The following ABI3BP variants were observed in gnomAD, a reference collection of about 807,000 sequenced individuals.
ABI3BP encodes the protein ABI family member 3 binding protein.
A neutral mutation model predicts 268.6 loss-of-function variants in ABI3BP; 216 were observed. The ratio of observed to expected loss-of-function variants is 0.80; its 90% confidence interval spans 0.72 to 0.90. The LOEUF is 0.90. Ranked by LOEUF, ABI3BP falls within the 40% of genes least tolerant of loss-of-function variation. The pLI, the probability that ABI3BP is intolerant of heterozygous loss-of-function variation, is 0.00. For missense variants in ABI3BP, 2,090 were observed against 2,182.4 expected, an observed-to-expected ratio of 0.96 and a Z score of 0.84; for synonymous variants, 730 against 730.0, an observed-to-expected ratio of 1.00 and a Z score of 0.00.
intron 2 of ABI3BP, among the ~76,000 whole-genome samples, chr3:100,913,396 T>C (rs1264240344): frequency 6.6e-6 from 1 of 152,140 alleles, no homozygotes; most frequent in Non-Finnish European, 1.5e-5. Context: ...AGTAATTACA[T>C]ATGAAAAGGC....
At chr3:100,988,425 A>T (rs1190267885) in intron 1 of ABI3BP, among the ~76,000 whole-genome samples, 1 of 152,150 alleles carries the variant, frequency 6.6e-6, no homozygotes, top group Non-Finnish European at 1.5e-5. Flanking sequence ...CTTCCCTCTC[A>T]GTACTTTAAC....
At chr3:100,873,024 T>G (rs1346830562) in intron 9 of ABI3BP, among the ~76,000 whole-genome samples, 1 of 152,166 alleles carries the variant, frequency 6.6e-6, no homozygotes, top group East Asian at 1.9e-4. Context: ...TAGTCCCCAG[T>G]TAAGTGCTTT....
At chr3:100,878,556 G>A (rs1023883724) in intron 6 of ABI3BP, among the ~76,000 whole-genome samples, 3 of 152,188 alleles carry the variant, frequency 2.0e-5, no homozygotes, top group Non-Finnish European at 4.4e-5. Context: ...GGCAACAGGA[G>A]GAAAATAGTA....
At chr3:100,770,012 C>T (rs758134286) in intron 62 of ABI3BP, among the ~76,000 whole-genome samples, 8 of 152,216 alleles carry the variant, frequency 5.3e-5, no homozygotes, top group Non-Finnish European at 1.0e-4. Flanking sequence ...CTCTCCCTTC[C>T]TGATGGCCTC....
rs150475025 is a variant in ABI3BP at position 100,965,159 on chromosome 3, G to A, written c.79+28147C>T. The stretch of plus-strand genomic sequence containing the variant: ...CACATAAGCCAACTCTTTTCAGTAA[G>A]AGTTCAAACCTTGGACATCTGATCT... On this transcript the variant is annotated intron_variant, in intron 1 of 67. Coordinates refer to ENST00000471714, the MANE Select transcript of ABI3BP (RefSeq NM_001375547.2). Among the ~76,000 whole-genome samples the A allele has an allele frequency of 1.7e-3, 253 of 152,218 alleles. 1 individual carries two copies. Among genetic ancestry groups the A allele is most frequent in the African/African-American group, 5.7e-3 (237 of 41,542 alleles).
Position 100,824,852 on chromosome 3 carries a change from A to T in ABI3BP, c.2746+6T>A. 3 of 1,534,216 alleles carry T rather than the reference A, an allele frequency of 2.0e-6. No individual in the cohort carries two copies. Among genetic ancestry groups the T allele is most frequent in the Non-Finnish European group, 2.6e-6 (3 of 1,145,244 alleles). Reference sequence around the variant, plus strand: ...TCACCCTTAAACCAAGGAATCACAGATTTACCAGGTTTGGTCTCAGGTGCC... The same window carrying T: ...TCACCCTTAAACCAAGGAATCACAGTTTTACCAGGTTTGGTCTCAGGTGCC... On this transcript the variant is annotated splice_donor_region_variant and intron_variant, in intron 36 of 67. Coordinates refer to ENST00000471714, the MANE Select transcript of ABI3BP (RefSeq NM_001375547.2).
chr3:100,791,571 G>A (rs765276735), intron 55 of ABI3BP, among the ~76,000 whole-genome samples: 8 of 151,750 alleles, frequency 5.3e-5, no homozygotes, highest in Non-Finnish European at 8.8e-5. Context: ...GTATCACAAC[G>A]GAACATCTGT....
intron 10 of ABI3BP, among the ~76,000 whole-genome samples, chr3:100,865,163 T>G (rs987773295): frequency 2.0e-5 from 3 of 152,200 alleles, no homozygotes; most frequent in African/African-American, 7.2e-5. Flanking sequence ...CTTATAAGCT[T>G]AATAATAATT....
At chr3:100,903,401 T>C (rs531290094) in intron 2 of ABI3BP, among the ~76,000 whole-genome samples, 7 of 152,354 alleles carry the variant, frequency 4.6e-5, no homozygotes, top group African/African-American at 1.2e-4. Flanking sequence ...TAAATATTGA[T>C]GTCTGCAAGA....
intron 44 of ABI3BP, among the ~76,000 whole-genome samples, chr3:100,814,030 T>C (rs1248368797): frequency 6.6e-6 from 1 of 152,090 alleles, no homozygotes; most frequent in Non-Finnish European, 1.5e-5. Context: ...TATTGGAACA[T>C]AGCCATAGAA....
At chr3:100,918,162 G>A (rs1251228874) in intron 2 of ABI3BP, among the ~76,000 whole-genome samples, 1 of 152,014 alleles carries the variant, frequency 6.6e-6, no homozygotes, top group Non-Finnish European at 1.5e-5. Flanking sequence ...AAATAACTAA[G>A]AATTAGATGA....
chr3:100,829,277 C>T (rs1177055852), intron 33 of ABI3BP, among the ~76,000 whole-genome samples: 1 of 152,106 alleles, frequency 6.6e-6, no homozygotes, highest in African/African-American at 2.4e-5. Flanking sequence ...TTGTGACTTA[C>T]GTGACTCCTA....
At chr3:100,899,065 A>G (rs1460825206) in intron 3 of ABI3BP, among the ~76,000 whole-genome samples, 171 bp from the exon 4 acceptor site, 1 of 152,218 alleles carries the variant, frequency 6.6e-6, no homozygotes. Flanking sequence ...AGGAATTTAA[A>G]TGTGAATCAA....
intron 1 of ABI3BP, among the ~76,000 whole-genome samples, chr3:100,951,238 T>C (rs1321325550): frequency 6.6e-6 from 1 of 151,878 alleles, no homozygotes; most frequent in Non-Finnish European, 1.5e-5. Context: ...CACATGTGTA[T>C]GCACGTGTGT....
rs139811323 is a variant in ABI3BP at position 100,827,063 on chromosome 3, C to G, written c.2603-1219G>C. ...TGCAAATTGTGATGTGACTTCAAGA[C>G]CCAAATTCTTTCCTGGCTCTGTTGA... On this transcript the variant is annotated intron_variant, in intron 34 of 67. Transcript: ENST00000471714. Among the ~76,000 whole-genome samples, 3 of 152,098 alleles carry G rather than the reference C, an allele frequency of 2.0e-5. No individual in the cohort carries two copies. The East Asian group carries it at 5.8e-4, about 29-fold the overall frequency.
chr3:100,806,942 A>G (rs534788183), intron 50 of ABI3BP, among the ~76,000 whole-genome samples: 5 of 152,276 alleles, frequency 3.3e-5, no homozygotes, highest in Admixed American at 6.5e-5. Context: ...TACAGCTCAA[A>G]AAGATAAAAC....
intron 55 of ABI3BP, among the ~76,000 whole-genome samples, chr3:100,792,360 A>G (rs1251644178): frequency 6.6e-6 from 1 of 151,752 alleles, no homozygotes; most frequent in Non-Finnish European, 1.5e-5. Context: ...CAGGAAGAGG[A>G]AGACAACAGT....
chr3:100,823,554 A>T (rs751214868), intron 36 of ABI3BP, 40 bp from the exon 37 acceptor site: 2 of 1,481,630 alleles, frequency 1.3e-6, no homozygotes, highest in East Asian at 5.0e-5. Flanking sequence ...ATTTTTAAAC[A>T]TATGAGAAGT....
chr3:100,896,092 G>T (rs189309409), intron 4 of ABI3BP, among the ~76,000 whole-genome samples: 10 of 152,308 alleles, frequency 6.6e-5, no homozygotes, highest in Admixed American at 6.5e-4. Context: ...CTTTGGTCAA[G>T]AATATCTTGC....
Sources: gnomAD v4.1 joint callset for allele counts (sites outside exome capture counted in the v4.1 genomes callset) on GRCh38, gnomAD v4.1.1 for gene constraint, MANE v1.5 for transcripts, NCBI Gene and HGNC (gene_info 2026-07-23, HGNC 2026-07-21) for gene names.